Variants in SDK1 observed in about 807,000 individuals in gnomAD.
SDK1 encodes the protein protein sidekick-1.
In SDK1, 157 loss-of-function variants were observed where a neutral mutation model predicts 245.5. The ratio of observed to expected loss-of-function variants is 0.64; its 90% confidence interval spans 0.56 to 0.73. The LOEUF is 0.73. Among genes scored for constraint, SDK1 ranks in the 30% least tolerant of loss-of-function variants. SDK1 has a pLI of 0.00. For synonymous variants in SDK1, 1,647 were observed against 1,278.5 expected (o/e 1.29, Z -6.15); for missense variants, 3,583 against 3,002.3 (o/e 1.19, Z -4.52).
chr7:4,242,906 C>G (rs560427870), intron 43 of SDK1, among the ~76,000 whole-genome samples: 1 of 152,328 alleles, frequency 6.6e-6, no homozygotes, highest in East Asian at 1.9e-4. Context: ...GGCCTTCTCC[C>G]AGCCACTGAC....
rs530104991 is a variant in SDK1 at position 4,089,332 on chromosome 7, C to T, written c.3324+9748C>T. On this transcript the variant is annotated intron_variant, in intron 22 of 44. Transcript: ENST00000404826. ...AGACCCCGACTCAGTTCATCAGAAC[C>T]CCTGGGGCAGAGGCTGCAGCACTCT... is the stretch of plus-strand genomic sequence containing the variant. 3.3e-5 allele frequency among the ~76,000 whole-genome samples: 5 copies of T among 152,330 alleles called. No homozygotes were observed. The South Asian group carries it at 8.3e-4, about 25-fold the overall frequency.
At chr7:3,530,682 G>A (rs73035986) in intron 1 of SDK1, among the ~76,000 whole-genome samples, 23,219 of 152,108 alleles carry the variant, frequency 0.15, 2,241 homozygotes, top group Middle Eastern at 0.25. Context: ...CAGAATTATT[G>A]TGAATATGAA....
At chr7:3,459,246 T>G (rs1012876113) in intron 1 of SDK1, among the ~76,000 whole-genome samples, 1 of 152,244 alleles carries the variant, frequency 6.6e-6, no homozygotes, top group Non-Finnish European at 1.5e-5. Context: ...TGGTACTGTA[T>G]TTGTAGTACC....
chr7:3,563,289 G>A (rs957527223), intron 1 of SDK1, among the ~76,000 whole-genome samples: 2 of 152,142 alleles, frequency 1.3e-5, no homozygotes, highest in Admixed American at 6.6e-5. Context: ...TAATTACAAC[G>A]TATATTCCTG....
intron 14 of SDK1, among the ~76,000 whole-genome samples, chr7:4,002,476 C>T (rs1048651519): frequency 1.3e-5 from 2 of 152,130 alleles, no homozygotes; most frequent in East Asian, 1.9e-4. Context: ...AGATACAGGT[C>T]GGAGTCTCCA....
At chr7:3,758,815 T>C (rs919444142) in intron 4 of SDK1, among the ~76,000 whole-genome samples, 1 of 152,198 alleles carries the variant, frequency 6.6e-6, no homozygotes, top group African/African-American at 2.4e-5. Context: ...GGCCTCTCAG[T>C]GGACCCAGCT....
chr7:3,728,832 C>G (rs554134828), intron 4 of SDK1, among the ~76,000 whole-genome samples: 2 of 152,254 alleles, frequency 1.3e-5, no homozygotes, highest in Non-Finnish European at 2.9e-5. Context: ...TCTCAAACTC[C>G]TGACCTCAGG....
At chr7:3,438,298 T>C (rs1374703939) in intron 1 of SDK1, among the ~76,000 whole-genome samples, 2 of 152,232 alleles carry the variant, frequency 1.3e-5, no homozygotes, top group Non-Finnish European at 2.9e-5. Context: ...CATTTTATAG[T>C]ATGTGCCTGT....
intron 1 of SDK1, among the ~76,000 whole-genome samples, chr7:3,410,863 A>G (rs1005511649): frequency 1.3e-5 from 2 of 152,068 alleles, no homozygotes; most frequent in Admixed American, 1.3e-4. Context: ...CTGGGATTAC[A>G]TGTTTGAGCT....
chr7:3,538,990 C>T (rs888220354), intron 1 of SDK1, among the ~76,000 whole-genome samples: 2 of 152,222 alleles, frequency 1.3e-5, no homozygotes, highest in East Asian at 3.9e-4. Flanking sequence ...CATGTCTCTT[C>T]AATGCAGTCA....
intron 4 of SDK1, among the ~76,000 whole-genome samples, chr7:3,645,869 T>A (rs887464569): frequency 2.0e-5 from 3 of 152,140 alleles, no homozygotes; most frequent in Non-Finnish European, 4.4e-5. Flanking sequence ...TTTTTATTTT[T>A]ATTTTTTGAG....
At chr7:3,374,886 T>C (rs2128564619) in intron 1 of SDK1, among the ~76,000 whole-genome samples, 1 of 152,350 alleles carries the variant, frequency 6.6e-6, no homozygotes, top group East Asian at 1.9e-4. Flanking sequence ...GGTGTAATCA[T>C]GTATTTTATG....
chr7:3,474,256 C>T (rs1007263840), intron 1 of SDK1, among the ~76,000 whole-genome samples: 3 of 151,656 alleles, frequency 2.0e-5, no homozygotes, highest in African/African-American at 4.8e-5. Context: ...CCACCACGAC[C>T]AGCTAATTTT....
intron 1 of SDK1, among the ~76,000 whole-genome samples, chr7:3,576,483 G>C (rs1780296719): frequency 6.6e-6 from 1 of 152,108 alleles, no homozygotes; most frequent in South Asian, 2.1e-4. Context: ...GGTCCAGTTA[G>C]AGATGTCTTG....
intron 19 of SDK1, among the ~76,000 whole-genome samples, chr7:4,052,424 G>GA (rs1456597728): frequency 9.2e-5 from 14 of 152,000 alleles, no homozygotes; most frequent in Non-Finnish European, 1.6e-4. Context: ...TTTGTAGCTG[G>GA]AAAAAATGTG....
intron 1 of SDK1, among the ~76,000 whole-genome samples, chr7:3,501,907 G>T (rs1452511316): frequency 1.3e-5 from 2 of 152,074 alleles, no homozygotes; most frequent in African/African-American, 4.8e-5. Context: ...GTAACTATTT[G>T]ATTCTTATTC....
At chr7:3,926,673 G>T (rs2016180) in intron 5 of SDK1, among the ~76,000 whole-genome samples, 3 of 151,930 alleles carry the variant, frequency 2.0e-5, no homozygotes, top group Admixed American at 1.3e-4. Context: ...GCCACCGTGA[G>T]GTCCTGTTTT....
At chr7:4,260,428 C>T (rs1391883565) in intron 44 of SDK1, among the ~76,000 whole-genome samples, 2 of 138,814 alleles carry the variant, frequency 1.4e-5, no homozygotes, top group African/African-American at 5.5e-5. Flanking sequence ...TTGTGTTCAT[C>T]GTCACCTGAT....
intron 1 of SDK1, among the ~76,000 whole-genome samples, chr7:3,569,592 C>G (rs1003936322): frequency 2.0e-5 from 3 of 152,176 alleles, no homozygotes; most frequent in Admixed American, 2.0e-4. Context: ...TTGGTGTCTG[C>G]TTTGCATTCT....
Sources: gnomAD v4.1 joint callset for allele counts (sites outside exome capture counted in the v4.1 genomes callset) on GRCh38, gnomAD v4.1.1 for gene constraint, MANE v1.5 for transcripts, NCBI Gene and HGNC (gene_info 2026-07-23, HGNC 2026-07-21) for gene names.